AKAP9: variants seen among roughly 807,000 people sequenced by gnomAD.
AKAP9 encodes the protein A-kinase anchor protein 9.
A neutral mutation model predicts 488.5 loss-of-function variants in AKAP9; 311 were observed. The ratio of observed to expected loss-of-function variants is 0.64; its 90% CI spans 0.58 to 0.70. AKAP9 has a LOEUF of 0.70. Ranked by LOEUF, AKAP9 falls within the 30% of genes least tolerant of loss-of-function variation. The pLI is 0.00. For missense variants in AKAP9, 4,215 were observed against 4,374.5 expected (o/e 0.96, Z 1.03); for synonymous variants, 1,462 against 1,483.5 (o/e 0.99, Z 0.33).
chr7:91,970,054 A>AT (rs913710127), intron 1 of AKAP9, among the ~76,000 whole-genome samples: 8 of 150,308 alleles, frequency 5.3e-5, no homozygotes, highest in East Asian at 3.9e-4. Context: ...GAATTTGTTG[A>AT]TTTTTTATTT....
chr7:92,030,069 C>T (rs1162773475), intron 15 of AKAP9, 78 bp downstream of exon 15: 1 of 1,003,014 alleles, frequency 1.0e-6, no homozygotes, highest in Non-Finnish European at 1.5e-6. Context: ...GGTTTACTAT[C>T]TAATAAATAG....
At chr7:92,066,629 G>A (rs1810813311) in intron 26 of AKAP9, 83 bp downstream of exon 26, 2 of 1,518,792 alleles carry the variant, frequency 1.3e-6, no homozygotes, top group African/African-American at 1.4e-5. Flanking sequence ...AAACTTAAAA[G>A]TGGATTCTTT....
At position 92,001,054 on chromosome 7, in the gene AKAP9, GCTGA is replaced by G; in HGVS notation, c.1140_1143del (p.Thr381IlefsTer13). ...AAGAAATAAAAAACATGAAATTAGA[GCTGA>G]CTAATTCTAAGCAAAAAGAAAGACA... On this transcript the variant is annotated frameshift_variant, in exon 8 of 50. Transcript: ENST00000356239. LOFTEE classifies it high-confidence loss of function. 1 of 1,607,978 alleles carries G rather than the reference GCTGA, an allele frequency of 6.2e-7. No individual in the cohort carries two copies. The highest frequency in any genetic ancestry group is 8.5e-7 in the Non-Finnish European group (1 of 1,177,122).
intron 15 of AKAP9, 107 bp from the exon 16 acceptor site, chr7:92,031,405 A>C (rs1450622562): frequency 7.9e-6 from 6 of 757,510 alleles, no homozygotes; most frequent in Non-Finnish European, 1.3e-5. Context: ...AGTATGTAGA[A>C]CTTTTCTAAA....
At chr7:92,027,210 C>T (rs1238135451) in intron 14 of AKAP9, among the ~76,000 whole-genome samples, 4 of 138,224 alleles carry the variant, frequency 2.9e-5, no homozygotes, top group African/African-American at 5.5e-5. Flanking sequence ...GCCCGGCTGC[C>T]GCGTCTGGGA....
intron 1 of AKAP9, among the ~76,000 whole-genome samples, chr7:91,948,736 C>G (rs984051767): frequency 6.6e-6 from 1 of 151,748 alleles, no homozygotes; most frequent in Non-Finnish European, 1.5e-5. Flanking sequence ...CTCAGCCTCC[C>G]TAGTAGATGG....
intron 12 of AKAP9, among the ~76,000 whole-genome samples, chr7:92,019,144 C>CT (rs919867863): frequency 3.3e-4 from 48 of 145,956 alleles, no homozygotes; most frequent in East Asian, 4.0e-4. Flanking sequence ...TTTTACTTTC[C>CT]TTTTTTTTTT....
rs772173332 is a variant in AKAP9, at chr7:92,083,499, G to T, written c.8490G>T (p.Lys2830Asn). The change falls in exon 33 of 50, where the codon AAG becomes AAT. Residue 2830 changes from lysine to asparagine, a missense_variant. Physicochemically the swap from Lys to Asn is moderately conservative, Grantham distance 94. Transcript: ENST00000356239. ...GTCAGTTTACTGAAAAAATTGAGAA[G>T]ATGCAAGAACTACATGCTGCTGAAA... ...IISQFTEKIE[K>N]MQELHAAEIL... 6.2e-7 allele frequency: 1 copy of T among 1,611,918 alleles called. No homozygotes were observed. Among genetic ancestry groups the T allele is most frequent in the South Asian group, 1.1e-5 (1 of 90,562 alleles).
chr7:91,995,642 A>G lies in AKAP9; in HGVS notation c.772A>G (p.Ser258Gly), dbSNP rs1798304903. ...SETLRNSTHS[S>G]TAADLLQAKQ... is the part of the protein sequence containing the mutation. ...AACTCTGAGAAACAGCACTCATAGT[A>G]GCACAGCTGCAGACTTACTACAAGC... Residue 258 changes from serine (S) to glycine (G), a missense_variant, in exon 7 of 50, where the codon AGC (serine) becomes GGC (glycine). By Grantham distance (56) the Ser-to-Gly change is moderately conservative (BLOSUM62 0). This residue lies in a region of AKAP9 where 2,361 missense variants were observed against 2,430.0 expected (regional missense o/e 0.97). Coordinates refer to ENST00000356239, the MANE Select transcript of AKAP9 (RefSeq NM_005751.5). 1.2e-6 allele frequency: 2 copies of G among 1,614,032 alleles called. No individual in the cohort carries two copies. Among genetic ancestry groups the G allele is most frequent in the Non-Finnish European group, 1.7e-6 (2 of 1,180,034 alleles).
intron 14 of AKAP9, among the ~76,000 whole-genome samples, chr7:92,024,318 A>G (rs902381351): frequency 1.3e-5 from 2 of 151,578 alleles, no homozygotes; most frequent in African/African-American, 4.8e-5. Flanking sequence ...AGGCTGAGGC[A>G]CGAGAATCAC....
At chr7:91,995,823 A>G (rs370178039) in intron 7 of AKAP9, 23 bp downstream of exon 7, 3 of 1,561,320 alleles carry the variant, frequency 1.9e-6, no homozygotes, top group Middle Eastern at 1.8e-4. Flanking sequence ...TAAGGAAGTC[A>G]GCTAACTTGT....
At position 92,099,736 on chromosome 7, in the gene AKAP9, T is replaced by G; in HGVS notation, c.10763T>G (p.Leu3588Arg). The G allele has an allele frequency of 6.2e-7, 1 of 1,614,116 alleles. No individual in the cohort carries two copies. Among genetic ancestry groups the G allele is most frequent in the Non-Finnish European group, 8.5e-7 (1 of 1,179,978 alleles). ...STSCGSLTER[L>R]LRQNAELTGH... ...TCTTGTGGCTCATTGACTGAAAGAC[T>G]ACTGAGACAAAATGCTGAGCTGACA... The change falls in exon 44 of 50, where the codon CTA becomes CGA. Residue 3588 changes from leucine to arginine, a missense_variant. By Grantham distance (102) the Leu-to-Arg change is moderately radical. Coordinates refer to ENST00000356239, the MANE Select transcript of AKAP9 (RefSeq NM_005751.5).
intron 1 of AKAP9, among the ~76,000 whole-genome samples, chr7:91,945,990 T>C (rs1791405179): frequency 6.6e-6 from 1 of 152,240 alleles, no homozygotes; most frequent in Non-Finnish European, 1.5e-5. Flanking sequence ...TGAATAATTA[T>C]AAAAAACTAC....
At chr7:92,107,119 C>T (rs1323091209) in intron 47 of AKAP9, among the ~76,000 whole-genome samples, 174 bp from the exon 48 acceptor site, 3 of 151,908 alleles carry the variant, frequency 2.0e-5, no homozygotes, top group South Asian at 2.1e-4. Context: ...ATTTGAAAGC[C>T]GAATTTTTGT....
intron 41 of AKAP9, 52 bp from the exon 42 acceptor site, chr7:92,097,534 A>T: frequency 6.4e-7 from 1 of 1,571,490 alleles, no homozygotes. Context: ...ATAGACTGTG[A>T]TATGCTGTTC....
chr7:91,950,471 C>T (rs372783650), intron 1 of AKAP9, among the ~76,000 whole-genome samples: 1 of 152,138 alleles, frequency 6.6e-6, no homozygotes. Flanking sequence ...ACCTCATGAT[C>T]CGCCTGCCTC....
chr7:92,108,532 T>C lies in AKAP9; in HGVS notation c.11585T>C (p.Leu3862Ser). Residue 3862 changes from leucine (L) to serine (S), a missense_variant, in exon 49 of 50, where the codon TTA becomes TCA. Coordinates refer to ENST00000356239, the MANE Select transcript of AKAP9 (RefSeq NM_005751.5). ...CCAGCTGATTTCAATCCTGGTTCTT[T>C]AGCATGTTCTCAGCTTCAGAATTAC... ...GTPADFNPGS[L>S]ACSQLQNYDP... 4 of 1,614,180 alleles carry C rather than the reference T, an allele frequency of 2.5e-6. No individual in the cohort carries two copies. Among genetic ancestry groups the C allele is most frequent in the Non-Finnish European group, 3.4e-6 (4 of 1,180,008 alleles).
intron 1 of AKAP9, among the ~76,000 whole-genome samples, chr7:91,953,455 A>T (rs1792534119): frequency 6.6e-6 from 1 of 152,212 alleles, no homozygotes; most frequent in African/African-American, 2.4e-5. Context: ...TTTTGGCATC[A>T]GGAATTTACT....
Position 92,012,568 on chromosome 7 carries a change from C to T in AKAP9, c.3458C>T (p.Ala1153Val). The T allele has an allele frequency of 6.2e-7, 1 of 1,613,714 alleles. No homozygotes were observed. Among genetic ancestry groups the T allele is most frequent in the East Asian group, 2.2e-5 (1 of 44,834 alleles). Residue 1153 changes from alanine to valine, a missense_variant, in exon 9 of 50, where the codon GCT becomes GTT. This residue lies in a region of AKAP9 where 2,361 missense variants were observed against 2,430.0 expected (regional missense o/e 0.97). Transcript: ENST00000356239. ...LCSLKEELIF[A>V]QEEKIKELQK... is the part of the protein sequence containing the mutation. ...AGTCTTAAAGAAGAGCTTATTTTTG[C>T]TCAAGAGGAAAAGATCAAGGAACTT...
Sources: allele counts gnomAD v4.1 joint callset (sites outside exome capture counted in the v4.1 genomes callset), GRCh38; gene constraint gnomAD v4.1.1; regional missense constraint gnomAD v4.1.1; transcripts MANE v1.5; gene names NCBI Gene and HGNC (gene_info 2026-07-23, HGNC 2026-07-21).